ARHGEF28: variants seen among roughly 807,000 people sequenced by gnomAD.
ARHGEF28 encodes the protein Rho guanine nucleotide exchange factor 28.
ARHGEF28 carries 152 observed loss-of-function variants against 206.6 expected under a neutral mutation model. The ratio of observed to expected loss-of-function variants is 0.74; its 90% CI spans 0.64 to 0.84. ARHGEF28 has a LOEUF of 0.84. Ranked by LOEUF, ARHGEF28 falls within the 40% of genes least tolerant of loss-of-function variation. ARHGEF28 has a pLI of 0.00. For missense variants in ARHGEF28, 2,028 were observed against 2,073.2 expected, an observed-to-expected ratio of 0.98 and a Z score of 0.42; for synonymous variants, 763 against 776.4, an observed-to-expected ratio of 0.98 and a Z score of 0.29.
chr5:73,873,360 A>C, intron 22 of ARHGEF28, 114 bp downstream of exon 22: 1 of 1,321,176 alleles, frequency 7.6e-7, no homozygotes, highest in Non-Finnish European at 1.0e-6. Context: ...TCATAGTGAC[A>C]TTCTGAGGAT....
chr5:73,915,351 T>TTATC (rs1763152880), intron 35 of ARHGEF28, among the ~76,000 whole-genome samples: 1 of 152,248 alleles, frequency 6.6e-6, no homozygotes, highest in Non-Finnish European at 1.5e-5. Flanking sequence ...TAAACCCATG[T>TTATC]TATCTGTAAA....
At chr5:73,868,849 A>G (rs1759883357) in intron 20 of ARHGEF28, among the ~76,000 whole-genome samples, 1 of 152,054 alleles carries the variant, frequency 6.6e-6, no homozygotes, top group South Asian at 2.1e-4. Flanking sequence ...GTTTCACCAC[A>G]TTGGCCAGGC....
intron 2 of ARHGEF28, among the ~76,000 whole-genome samples, chr5:73,707,579 C>G (rs1243899331): frequency 1.3e-5 from 2 of 152,172 alleles, no homozygotes; most frequent in Admixed American, 1.3e-4. Flanking sequence ...AATTATTATC[C>G]TATGTATTCT....
intron 2 of ARHGEF28, among the ~76,000 whole-genome samples, chr5:73,710,655 T>C (rs1749184714): frequency 6.6e-6 from 1 of 152,226 alleles, no homozygotes; most frequent in South Asian, 2.1e-4. Context: ...AAATGTTTTC[T>C]TTTAGAAATC....
intron 1 of ARHGEF28, among the ~76,000 whole-genome samples, chr5:73,672,646 T>C (rs1483586435): frequency 6.6e-6 from 1 of 152,226 alleles, no homozygotes; most frequent in Non-Finnish European, 1.5e-5. Context: ...GATACCTTGG[T>C]AGGTCGTATC....
At chr5:73,859,004 AAC>A (rs1269714433) in intron 16 of ARHGEF28, among the ~76,000 whole-genome samples, 1 of 151,968 alleles carries the variant, frequency 6.6e-6, no homozygotes, top group Non-Finnish European at 1.5e-5. Context: ...TTCTGATTGC[AAC>A]ACTCTTTCCT....
At chr5:73,684,281 T>G (rs1188839051) in intron 1 of ARHGEF28, among the ~76,000 whole-genome samples, 1 of 152,226 alleles carries the variant, frequency 6.6e-6, no homozygotes, top group Admixed American at 6.5e-5. Flanking sequence ...CTTTTTTCTA[T>G]GAGTTGGACT....
At chr5:73,724,598 T>C (rs1418764608) in intron 2 of ARHGEF28, among the ~76,000 whole-genome samples, 1 of 152,196 alleles carries the variant, frequency 6.6e-6, no homozygotes, top group Non-Finnish European at 1.5e-5. Context: ...ACTGCTGTTC[T>C]TTTCCCTATA....
chr5:73,659,765 T>C (rs1745471390), intron 1 of ARHGEF28, among the ~76,000 whole-genome samples: 1 of 152,198 alleles, frequency 6.6e-6, no homozygotes, highest in Non-Finnish European at 1.5e-5. Flanking sequence ...CCAGTGCATA[T>C]AAAATTTATG....
At position 73,795,345 on chromosome 5, in the gene ARHGEF28, G is replaced by C; in HGVS notation, c.978G>C (p.Leu326=). Reference sequence around the variant, plus strand: ...ATCTCTTCCAGCGTGTCAAAAGCCTGGTGGTTCAACACAATGAACATGAAG... The same window carrying C: ...ATCTCTTCCAGCGTGTCAAAAGCCTCGTGGTTCAACACAATGAACATGAAG... ...EKEDIKRVKS[L]VVQHNEHEDQ... The change falls in exon 9 of 36, where the codon CTG becomes CTC. Residue 326 remains leucine, a synonymous_variant. Transcript: ENST00000513042. The C allele has an allele frequency of 1.2e-6, 2 of 1,613,718 alleles. No individual in the cohort carries two copies. Among genetic ancestry groups the C allele is most frequent in the Middle Eastern group, 3.3e-4 (2 of 6,060 alleles).
chr5:73,672,899 T>C (rs1403223343), intron 1 of ARHGEF28, among the ~76,000 whole-genome samples: 2 of 152,244 alleles, frequency 1.3e-5, no homozygotes, highest in African/African-American at 4.8e-5. Flanking sequence ...AACGTTAGGC[T>C]GCACAATTTC....
At chr5:73,923,284 T>TTA (rs1763621638) in intron 35 of ARHGEF28, 1 of 831,958 alleles carries the variant, frequency 1.2e-6, no homozygotes, top group Non-Finnish European at 1.7e-6. Flanking sequence ...TAAAGCATGG[T>TTA]AAAAAAAAAT....
chr5:73,940,270 G>A (rs1057417757), intron 35 of ARHGEF28, among the ~76,000 whole-genome samples: 4 of 152,164 alleles, frequency 2.6e-5, no homozygotes, highest in African/African-American at 7.2e-5. Context: ...GCTGAAACTG[G>A]CTTGATTTTC....
chr5:73,648,384 C>T (rs1397198860), intron 1 of ARHGEF28, among the ~76,000 whole-genome samples: 1 of 152,146 alleles, frequency 6.6e-6, no homozygotes, highest in Non-Finnish European at 1.5e-5. Flanking sequence ...CTGTCAGTTC[C>T]TGTTCTGTCC....
At chr5:73,714,094 G>A (rs886158911) in intron 2 of ARHGEF28, among the ~76,000 whole-genome samples, 3 of 152,130 alleles carry the variant, frequency 2.0e-5, no homozygotes, top group African/African-American at 7.2e-5. Context: ...CCTGTGTCTT[G>A]GTTTTCTCCA....
intron 2 of ARHGEF28, among the ~76,000 whole-genome samples, chr5:73,705,561 T>G (rs1381030930): frequency 6.6e-6 from 1 of 152,168 alleles, no homozygotes; most frequent in Non-Finnish European, 1.5e-5. Context: ...TCCTTCTTGG[T>G]TTTTCCATAA....
intron 10 of ARHGEF28, among the ~76,000 whole-genome samples, chr5:73,838,862 G>A (rs1414589187): frequency 4.7e-5 from 7 of 150,530 alleles, no homozygotes; most frequent in African/African-American, 2.4e-5. Context: ...ATTTTAGCAA[G>A]TTGTCCCAAT....
At chr5:73,877,995 G>C (rs893806589) in intron 22 of ARHGEF28, among the ~76,000 whole-genome samples, 9 of 152,110 alleles carry the variant, frequency 5.9e-5, no homozygotes, top group East Asian at 1.9e-4. Context: ...CTTTCTGTCT[G>C]GTTGATCTGT....
chr5:73,670,892 AT>A (rs1367924526), intron 1 of ARHGEF28, among the ~76,000 whole-genome samples: 1 of 151,874 alleles, frequency 6.6e-6, no homozygotes, highest in African/African-American at 2.4e-5. Flanking sequence ...GTTTGCAAAT[AT>A]TTTCTCCCAC....
Sources: gnomAD v4.1 joint callset for allele counts (sites outside exome capture counted in the v4.1 genomes callset) on GRCh38, gnomAD v4.1.1 for gene constraint, MANE v1.5 for transcripts, NCBI Gene and HGNC (gene_info 2026-07-23, HGNC 2026-07-21) for gene names.